The following DRC9 variants were observed in gnomAD, a reference collection of about 807,000 sequenced individuals.
The protein encoded by DRC9 is dynein regulatory complex protein 9.
At chr3:197,906,608 A>G in the DRC9 span, 1 of 152,176 alleles carries the variant, frequency 6.6e-6, no homozygotes, top group Admixed American at 6.5e-5. Context: ...TTCAGAGCCA[A>G]TGCTTCAGTC....
the DRC9 span, among the ~76,000 whole-genome samples, chr3:197,943,457 G>A: frequency 6.6e-6 from 1 of 152,032 alleles, no homozygotes; most frequent in Non-Finnish European, 1.5e-5. Flanking sequence ...ACAACATAGT[G>A]AGATCCCATC....
chr3:197,932,301 G>A, the DRC9 span: 4 of 1,608,730 alleles, frequency 2.5e-6, no homozygotes, highest in Non-Finnish European at 3.4e-6. Flanking sequence ...CTGAAAAACT[G>A]CCTGTAAGGA....
At chr3:197,918,664 A>T in the DRC9 span, among the ~76,000 whole-genome samples, 1 of 152,146 alleles carries the variant, frequency 6.6e-6, no homozygotes, top group Non-Finnish European at 1.5e-5. Context: ...TACTTTTGAA[A>T]ACTCAAGAGC....
At chr3:197,928,323 C>G in the DRC9 span, among the ~76,000 whole-genome samples, 2 of 149,180 alleles carry the variant, frequency 1.3e-5, no homozygotes, top group African/African-American at 4.9e-5. Flanking sequence ...TGAACACATG[C>G]ATTTATTTCT....
chr3:197,953,407 T>C, the DRC9 span: 4 of 456,608 alleles, frequency 8.8e-6, no homozygotes, highest in African/African-American at 8.0e-5. Flanking sequence ...TCATATCCTT[T>C]GTACATTGCT....
the DRC9 span, among the ~76,000 whole-genome samples, chr3:197,903,822 C>T: frequency 6.6e-6 from 1 of 151,166 alleles, no homozygotes. Context: ...AAAAATGGGC[C>T]AAAAGGGCCG....
the DRC9 span, chr3:197,894,386 G>A: frequency 1.3e-5 from 2 of 152,280 alleles, no homozygotes; most frequent in Admixed American, 6.5e-5. Flanking sequence ...GATGAAGAGC[G>A]AGAGAAGAGG....
chr3:197,931,490 A>AAAAC, the DRC9 span, among the ~76,000 whole-genome samples: 189 of 151,844 alleles, frequency 1.2e-3, no homozygotes, highest in African/African-American at 4.1e-3. Context: ...TCAAAAAAAC[A>AAAAC]AAACAAACAA....
At chr3:197,895,338 T>G in the DRC9 span, among the ~76,000 whole-genome samples, 2 of 152,166 alleles carry the variant, frequency 1.3e-5, no homozygotes, top group African/African-American at 4.8e-5. Flanking sequence ...GGCACAATCT[T>G]AGTTCACTGC....
At chr3:197,903,870 G>C in the DRC9 span, among the ~76,000 whole-genome samples, 1 of 151,720 alleles carries the variant, frequency 6.6e-6, no homozygotes, top group Non-Finnish European at 1.5e-5. Flanking sequence ...AGCACTTTGG[G>C]AGGCCTAGGC....
At chr3:197,899,300 T>A in the DRC9 span, among the ~76,000 whole-genome samples, 1 of 152,246 alleles carries the variant, frequency 6.6e-6, no homozygotes, top group East Asian at 1.9e-4. Context: ...TGTTTTTATG[T>A]TTCAGAGCAT....
chr3:197,930,419 G>A, the DRC9 span, among the ~76,000 whole-genome samples: 2,706 of 151,948 alleles, frequency 0.018, 85 homozygotes, highest in African/African-American at 0.062. Flanking sequence ...AAACACAAGG[G>A]TTAGAAGATA....
chr3:197,954,119 C>T, the DRC9 span: 9 of 1,614,042 alleles, frequency 5.6e-6, no homozygotes, highest in East Asian at 2.0e-4. Flanking sequence ...AATCTTCCTG[C>T]TAAGGCCATT....
the DRC9 span, chr3:197,894,471 A>G: frequency 6.6e-6 from 1 of 152,204 alleles, no homozygotes; most frequent in Non-Finnish European, 1.5e-5. Flanking sequence ...GAGAAATTCT[A>G]AAAGTATAAA....
the DRC9 span, among the ~76,000 whole-genome samples, chr3:197,907,376 C>G: frequency 1.3e-5 from 2 of 152,170 alleles, no homozygotes; most frequent in Non-Finnish European, 2.9e-5. Context: ...CTGACATCTC[C>G]ACCTCATCAA....
the DRC9 span, chr3:197,891,483 A>G: frequency 3.1e-6 from 5 of 1,604,684 alleles, no homozygotes; most frequent in East Asian, 6.7e-5. Flanking sequence ...ATCCTGTTTT[A>G]CCTTCTTCTT....
chr3:197,912,319 C>T, the DRC9 span, among the ~76,000 whole-genome samples: 1 of 152,152 alleles, frequency 6.6e-6, no homozygotes, highest in Non-Finnish European at 1.5e-5. Flanking sequence ...GGATGACAGG[C>T]GTGAGCCACT....
At chr3:197,947,861 A>T in the DRC9 span, among the ~76,000 whole-genome samples, 2 of 147,554 alleles carry the variant, frequency 1.4e-5, no homozygotes, top group African/African-American at 4.9e-5. Flanking sequence ...CTCTGGGCTT[A>T]GGTAACTATT....
the DRC9 span, among the ~76,000 whole-genome samples, chr3:197,930,086 G>A: frequency 6.6e-6 from 1 of 152,120 alleles, no homozygotes; most frequent in Non-Finnish European, 1.5e-5. Flanking sequence ...CAGGCACGGT[G>A]GTTCAAACCT....
Sources: allele counts gnomAD v4.1 joint callset (sites outside exome capture counted in the v4.1 genomes callset), GRCh38; gene constraint gnomAD v4.1.1; transcripts MANE v1.5; gene names NCBI Gene and HGNC (gene_info 2026-07-23, HGNC 2026-07-21).